VCPKMT: variants seen among roughly 807,000 people sequenced by gnomAD.
VCPKMT encodes valosin containing protein lysine methyltransferase.
VCPKMT carries 32 observed loss-of-function variants against 28.6 expected under a neutral mutation model. The ratio of observed to expected loss-of-function variants is 1.12; its 90% CI spans 0.84 to 1.50. VCPKMT has a LOEUF of 1.50. Ranked by LOEUF, VCPKMT falls within the 40% of genes most tolerant of loss-of-function variation. VCPKMT has a pLI of 0.00. For synonymous variants in VCPKMT, 138 were observed against 111.4 expected (o/e 1.24, Z -1.50); for missense variants, 366 against 285.0 (o/e 1.28, Z -2.05).
chr14:50,114,201 A>T (rs1341632058), intron 4 of VCPKMT, 84 bp downstream of exon 4: 2 of 1,301,066 alleles, frequency 1.5e-6, no homozygotes, highest in East Asian at 5.6e-5. Context: ...CCCCACCCAA[A>T]ATTACCATAA....
At chr14:50,107,277 A>C (rs17122131), downstream of VCPKMT, among the ~76,000 whole-genome samples, 3,743 of 151,902 alleles carry the variant, frequency 0.025, 162 homozygotes, top group African/African-American at 0.084. Context: ...CCCTGACTTC[A>C]GTTTTGGCCT....
Position 50,111,417 on chromosome 14 carries a change from T to C in VCPKMT, c.675+1198A>G, listed in dbSNP as rs1004584012. 6 of 985,332 alleles carry C rather than the reference T, an allele frequency of 6.1e-6. No homozygotes were observed. In the African/African-American group the frequency reaches 1.0e-4, roughly 17 times the overall value. 61.0% of individuals were successfully genotyped at this position (985,332 alleles called of 1,614,324 possible). ...CTACTTCTGTTCCCTAAGTTTTATT[T>C]GCTTTTGACTAGAATTCATATAATC... On this transcript the variant is annotated intron_variant, in intron 5 of 5. Coordinates refer to ENST00000395860, the MANE Select transcript of VCPKMT (RefSeq NM_024558.3).
rs543914078 is a variant in VCPKMT, at chr14:50,109,533, G to A, written c.*166C>T. The A allele has an allele frequency of 8.0e-5, 106 of 1,317,098 alleles. No homozygotes were observed. The highest frequency in any genetic ancestry group is 9.1e-5 in the Non-Finnish European group (94 of 1,035,296). The allele number at this position is 1,317,098 out of a possible 1,614,324, so 81.6% of individuals were successfully genotyped here. ...GCAGGCAGGCAAGCAGGAATTTTTC[G>A]TATTGCAGACAGCCCCTGGTGGTCA... is the stretch of plus-strand genomic sequence containing the variant. On this transcript the variant is annotated 3_prime_UTR_variant, in exon 6 of 6. Transcript: ENST00000395860.
downstream of VCPKMT, among the ~76,000 whole-genome samples, chr14:50,105,601 A>C (rs1201362634): frequency 6.6e-6 from 1 of 152,254 alleles, no homozygotes. Context: ...ATTGCACTCC[A>C]GCCTGGGTGA....
At chr14:50,104,081 A>C (rs1004929938), downstream of VCPKMT, among the ~76,000 whole-genome samples, 3 of 152,254 alleles carry the variant, frequency 2.0e-5, no homozygotes, top group African/African-American at 4.8e-5. Context: ...ACAGCTAGTA[A>C]GTGGCAGCAC....
downstream of VCPKMT, among the ~76,000 whole-genome samples, chr14:50,107,775 C>A (rs922182462): frequency 6.6e-6 from 1 of 152,002 alleles, no homozygotes; most frequent in Non-Finnish European, 1.5e-5. Flanking sequence ...GCACAGAGGC[C>A]GACTTCAGCC....
At position 50,116,479 on chromosome 14, in the gene VCPKMT, C is replaced by T. The variant is rs762348254; in HGVS notation, c.74G>A (p.Gly25Asp). 6.2e-6 allele frequency: 10 copies of T among 1,613,902 alleles called. No individual in the cohort carries two copies. Among genetic ancestry groups the T allele is most frequent in the Admixed American group, 3.3e-5 (2 of 60,014 alleles). ...SFVRVLEKRD[G>D]TVLRLQQYSS... The stretch of plus-strand genomic sequence containing the variant: ...ATACTGCTGTAGTCGTAGCACTGTA[C>T]CATCCCGCTTCTCCAAAACTCGCAC... The change falls in exon 1 of 6, where the codon GGT (glycine) becomes GAT (aspartate). Residue 25 changes from glycine (G) to aspartate (D), a missense_variant. Coordinates refer to ENST00000395860, the MANE Select transcript of VCPKMT (RefSeq NM_024558.3).
In VCPKMT at chr14:50,112,721, T is replaced by C. The variant is rs1301898910; in HGVS notation, c.571-2A>G. The stretch of plus-strand genomic sequence containing the variant: ...AAAGTCAAAATCTAGCTGAAGGAGC[T>C]ATAAATTTAAAAGAGACATACTTCA... On this transcript the variant is annotated splice_acceptor_variant, in intron 4 of 5. Transcript: ENST00000395860. LOFTEE classifies it high-confidence loss of function. 1.3e-6 allele frequency: 2 copies of C among 1,551,934 alleles called. No homozygotes were observed. Among genetic ancestry groups the C allele is most frequent in the Non-Finnish European group, 1.7e-6 (2 of 1,142,872 alleles).
intron 5 of VCPKMT, among the ~76,000 whole-genome samples, chr14:50,110,430 T>C (rs765620949): frequency 6.6e-6 from 1 of 152,192 alleles, no homozygotes; most frequent in African/African-American, 2.4e-5. Flanking sequence ...AATCTGAAAA[T>C]GGGCCAAGCA....
In VCPKMT at chr14:50,109,627, GTATTCACATGCTC is replaced by G; in HGVS notation, c.*59_*71del. 1 of 1,532,578 alleles carries G rather than the reference GTATTCACATGCTC, an allele frequency of 6.5e-7. No individual in the cohort carries two copies. The highest frequency in any genetic ancestry group is 8.7e-7 in the Non-Finnish European group (1 of 1,144,762). The allele number at this position is 1,532,578 out of a possible 1,614,324, so 94.9% of individuals were successfully genotyped here. A position where few individuals can be genotyped will look rare whatever the true frequency, so the allele number is the denominator to read the frequency against. On this transcript the variant is annotated 3_prime_UTR_variant, in exon 6 of 6. Transcript: ENST00000395860. ...TCTGTGAACACAATCTTCCCATGCT[GTATTCACATGCTC>G]TATTCACATCTTTAGTTTACCCAGG...
rs1391426477 is a variant in VCPKMT at position 50,109,057 on chromosome 14, T to C, written c.*642A>G. On this transcript the variant is annotated 3_prime_UTR_variant, in exon 6 of 6. Coordinates refer to ENST00000395860, the MANE Select transcript of VCPKMT (RefSeq NM_024558.3). ...TCTGATTTGTCTTCTTAGCAACTCA[T>C]TACAGTACAATTTACTGATTAAATC... 27 of 984,520 alleles carry C rather than the reference T, an allele frequency of 2.7e-5. No homozygotes were observed. The highest frequency in any genetic ancestry group is 2.9e-5 in the Non-Finnish European group (24 of 829,190). The allele number at this position is 984,520 out of a possible 1,614,324, so 61.0% of individuals were successfully genotyped here. A position where few individuals can be genotyped will look rare whatever the true frequency, so the allele number is the denominator to read the frequency against.
At chr14:50,113,037 C>T (rs1176414072) in intron 4 of VCPKMT, among the ~76,000 whole-genome samples, 5 of 152,174 alleles carry the variant, frequency 3.3e-5, no homozygotes, top group East Asian at 1.9e-4. Flanking sequence ...CTGCCCATCT[C>T]GGCCTCCCAA....
intron 3 of VCPKMT, 136 bp downstream of exon 3, chr14:50,115,703 A>G: frequency 1.0e-6 from 1 of 972,714 alleles, no homozygotes; most frequent in Admixed American, 2.4e-5. Context: ...GGTGACTTTT[A>G]TCTTCTCTTT....
chr14:50,114,719 G>T (rs1194027574), intron 3 of VCPKMT, among the ~76,000 whole-genome samples: 1 of 152,160 alleles, frequency 6.6e-6, no homozygotes, highest in South Asian at 2.1e-4. Flanking sequence ...GCATGCTGGT[G>T]CACACCTATA....
chr14:50,115,907 C>T lies in VCPKMT; in HGVS notation c.382G>A (p.Glu128Lys), dbSNP rs1302940920. 3 of 1,613,116 alleles carry T rather than the reference C, an allele frequency of 1.9e-6. No homozygotes were observed. The highest frequency in any genetic ancestry group is 1.3e-5 in the African/African-American group (1 of 74,906). The change falls in exon 3 of 6, where the codon GAA becomes AAA. Residue 128 changes from glutamate to lysine, a missense_variant. Transcript: ENST00000395860. ...GGAGAAGGAAAGCCTTCTATTTCTTCCCCCCTTAAAAATGCCAAACAAATA... is the reference window on the plus strand; with the variant it reads ...GGAGAAGGAAAGCCTTCTATTTCTTTCCCCCTTAAAAATGCCAAACAAATA... ...SVQAKVLKWG[E>K]EIEGFPSPPD...
chr14:50,115,353 T>G (rs181283530), intron 3 of VCPKMT, among the ~76,000 whole-genome samples: 1 of 152,156 alleles, frequency 6.6e-6, no homozygotes, highest in Non-Finnish European at 1.5e-5. Context: ...GGTTTTGCCA[T>G]GTAGGTCAGG....
chr14:50,105,752 T>C (rs1426267003), downstream of VCPKMT, among the ~76,000 whole-genome samples: 1 of 152,208 alleles, frequency 6.6e-6, no homozygotes, highest in Admixed American at 6.5e-5. Context: ...CTCAAAGATG[T>C]TTAAAGTTAT....
chr14:50,106,302 A>C (rs1441758626), downstream of VCPKMT, among the ~76,000 whole-genome samples: 2 of 152,152 alleles, frequency 1.3e-5, no homozygotes, highest in Non-Finnish European at 2.9e-5. Flanking sequence ...CTAATTGGCT[A>C]TAACTGCATT....
At position 50,108,792 on chromosome 14, in the gene VCPKMT, AAC is replaced by A. The variant is rs1882444230; in HGVS notation, c.*905_*906del. On this transcript the variant is annotated 3_prime_UTR_variant, in exon 6 of 6. Transcript: ENST00000395860. ...ATGAGCGAATGGCTTCATAACATAA[AAC>A]AGAGAGACACAGAACAGAAATTCAT... The A allele has an allele frequency of 1.0e-6, 1 of 985,548 alleles. No homozygotes were observed. Among genetic ancestry groups the A allele is most frequent in the African/African-American group, 1.7e-5 (1 of 57,258 alleles). The allele number at this position is 985,548 out of a possible 1,614,324, so 61.1% of individuals were successfully genotyped here.
Sources: allele counts gnomAD v4.1 joint callset (sites outside exome capture counted in the v4.1 genomes callset), GRCh38; gene constraint gnomAD v4.1.1; transcripts MANE v1.5; gene names NCBI Gene and HGNC (gene_info 2026-07-23, HGNC 2026-07-21).